CLSTN2: variants seen among roughly 807,000 people sequenced by gnomAD.
The protein encoded by CLSTN2 is calsyntenin-2.
In CLSTN2, 48 loss-of-function variants were observed where a neutral mutation model predicts 101.2. The observed-to-expected ratio is 0.47, with a 90% CI of 0.38 to 0.60. The LOEUF (loss-of-function observed/expected upper bound fraction) is 0.60. Among genes scored for constraint, CLSTN2 ranks in the 20% least tolerant of loss-of-function variants. The pLI, the probability that CLSTN2 is intolerant of heterozygous loss-of-function variation, is 0.00. For missense variants in CLSTN2, 1,160 were observed against 1,238.2 expected, an observed-to-expected ratio of 0.94 and a Z score of 0.95; for synonymous variants, 481 against 463.6, an observed-to-expected ratio of 1.04 and a Z score of -0.48.
intron 2 of CLSTN2, among the ~76,000 whole-genome samples, chr3:140,342,216 C>T (rs2087500023): frequency 6.6e-6 from 1 of 152,118 alleles, no homozygotes; most frequent in South Asian, 2.1e-4. Context: ...ATTTGTTATC[C>T]AGGGACCGTC....
At chr3:140,244,616 A>G (rs573776688) in intron 2 of CLSTN2, among the ~76,000 whole-genome samples, 1 of 152,274 alleles carries the variant, frequency 6.6e-6, no homozygotes, top group Admixed American at 6.5e-5. Context: ...CTGCTTAATA[A>G]CAGTTTATTG....
intron 2 of CLSTN2, among the ~76,000 whole-genome samples, chr3:140,355,141 A>C (rs558962216): frequency 3.5e-4 from 53 of 152,188 alleles, no homozygotes; most frequent in Non-Finnish European, 6.5e-4. Flanking sequence ...TACACAAAGA[A>C]AGTGGCATTG....
chr3:140,111,324 A>G (rs534947417), intron 1 of CLSTN2, among the ~76,000 whole-genome samples: 2 of 152,256 alleles, frequency 1.3e-5, no homozygotes, highest in East Asian at 1.9e-4. Context: ...CTCTGAGTCC[A>G]TGCTGAAGAC....
At chr3:139,981,394 A>G (rs2114166) in intron 1 of CLSTN2, among the ~76,000 whole-genome samples, 49,960 of 152,170 alleles carry the variant, frequency 0.33, 10,144 homozygotes, top group Non-Finnish European at 0.46. Context: ...AAAATAGTAT[A>G]AGTATTCTTG....
intron 1 of CLSTN2, among the ~76,000 whole-genome samples, chr3:139,967,723 C>A (rs1160600960): frequency 6.6e-6 from 1 of 152,174 alleles, no homozygotes; most frequent in African/African-American, 2.4e-5. Flanking sequence ...TGAGAGCTCC[C>A]AGCTTCCCAG....
intron 1 of CLSTN2, among the ~76,000 whole-genome samples, chr3:140,093,118 T>C (rs2008809179): frequency 1.3e-5 from 2 of 152,056 alleles, no homozygotes; most frequent in African/African-American, 4.8e-5. Flanking sequence ...AGAGAGAGGC[T>C]TTAGGCCCAT....
At chr3:140,097,587 AC>A (rs1391617468) in intron 1 of CLSTN2, among the ~76,000 whole-genome samples, 2 of 152,226 alleles carry the variant, frequency 1.3e-5, no homozygotes, top group African/African-American at 4.8e-5. Flanking sequence ...TGTATATGAA[AC>A]CATGTTGTTC....
chr3:140,248,523 C>G (rs1406746004), intron 2 of CLSTN2, among the ~76,000 whole-genome samples: 1 of 152,174 alleles, frequency 6.6e-6, no homozygotes, highest in Admixed American at 6.5e-5. Context: ...GAGATTCACT[C>G]TGGGAGCTTC....
chr3:140,474,837 T>A (rs1477541533), intron 8 of CLSTN2, among the ~76,000 whole-genome samples: 1 of 152,096 alleles, frequency 6.6e-6, no homozygotes, highest in East Asian at 1.9e-4. Flanking sequence ...ACCACAGCAG[T>A]GTTATCACCC....
chr3:140,309,404 T>C (rs1559835148), intron 2 of CLSTN2, among the ~76,000 whole-genome samples: 2 of 151,866 alleles, frequency 1.3e-5, no homozygotes, highest in Middle Eastern at 3.2e-3. Flanking sequence ...TGGTGAGAGG[T>C]GGGGCCAGAT....
chr3:140,554,427 A>C (rs977616009), intron 10 of CLSTN2, among the ~76,000 whole-genome samples: 1 of 152,198 alleles, frequency 6.6e-6, no homozygotes, highest in African/African-American at 2.4e-5. Flanking sequence ...TCAGATCCTC[A>C]TACTAAGAAA....
intron 1 of CLSTN2, among the ~76,000 whole-genome samples, chr3:140,104,948 A>C (rs936388618): frequency 6.6e-6 from 1 of 152,174 alleles, no homozygotes; most frequent in African/African-American, 2.4e-5. Flanking sequence ...ACTGCACTCC[A>C]GCCTGGGTGG....
chr3:140,408,990 T>C (rs1338208738), intron 4 of CLSTN2, among the ~76,000 whole-genome samples: 1 of 152,278 alleles, frequency 6.6e-6, no homozygotes, highest in Non-Finnish European at 1.5e-5. Context: ...CCCACCACTG[T>C]GCTTGTACCT....
At chr3:140,299,884 CAGTG>C (rs1322385591) in intron 2 of CLSTN2, among the ~76,000 whole-genome samples, 11 of 152,198 alleles carry the variant, frequency 7.2e-5, no homozygotes, top group African/African-American at 2.2e-4. Flanking sequence ...TTGGAGCTCT[CAGTG>C]AGGGTTTTCT....
At position 140,421,120 on chromosome 3, in the gene CLSTN2, C is replaced by T; in HGVS notation, c.638-5C>T. 6.2e-7 allele frequency: 1 copy of T among 1,613,258 alleles called. No individual in the cohort carries two copies. Among genetic ancestry groups the T allele is most frequent in the Non-Finnish European group, 8.5e-7 (1 of 1,179,762 alleles). ...GAAATGCTTTTGAACATCTCTGTTC[C>T]TCAGGCAACATCAGGAACACTGAGA... On this transcript the variant is annotated splice_polypyrimidine_tract_variant and splice_region_variant and intron_variant, in intron 4 of 16. Coordinates refer to ENST00000458420, the MANE Select transcript of CLSTN2 (RefSeq NM_022131.3).
At position 139,935,486 on chromosome 3, in the gene CLSTN2, G is replaced by T; in HGVS notation, c.109+3G>T. On this transcript the variant is annotated splice_donor_region_variant and intron_variant, in intron 1 of 16. Coordinates refer to ENST00000458420, the MANE Select transcript of CLSTN2 (RefSeq NM_022131.3). This position sits in a 1 kb window ranked among gnomAD's most constrained non-coding sequence, Gnocchi z 5.5. ...GCGCCGCCTCCTCGCGGCTAAAGGT[G>T]GGTGCTGGGGAAGTTTGCTCTTCTC... 8.2e-7 allele frequency: 1 copy of T among 1,222,926 alleles called. No homozygotes were observed. Among genetic ancestry groups the T allele is most frequent in the East Asian group, 3.2e-5 (1 of 31,614 alleles). 75.8% of individuals were successfully genotyped at this position (1,222,926 alleles called of 1,614,324 possible).
At chr3:140,326,250 G>T (rs1213541312) in intron 2 of CLSTN2, among the ~76,000 whole-genome samples, 1 of 152,136 alleles carries the variant, frequency 6.6e-6, no homozygotes, top group Non-Finnish European at 1.5e-5. Context: ...AAATCTTCAT[G>T]TCCTTGTCAG....
At chr3:139,969,507 G>A (rs1170434911) in intron 1 of CLSTN2, among the ~76,000 whole-genome samples, 2 of 152,102 alleles carry the variant, frequency 1.3e-5, no homozygotes, top group African/African-American at 2.4e-5. Flanking sequence ...AGTCTTCAGG[G>A]TCTTCTTGTT....
intron 1 of CLSTN2, among the ~76,000 whole-genome samples, chr3:140,087,439 G>A (rs986834475): frequency 6.6e-6 from 1 of 152,176 alleles, no homozygotes; most frequent in African/African-American, 2.4e-5. Context: ...GTTATTAATA[G>A]CTATTTCTCA....
Sources: gnomAD v4.1 joint callset for allele counts (sites outside exome capture counted in the v4.1 genomes callset) on GRCh38, gnomAD v4.1.1 for gene constraint, Gnocchi (gnomAD v3.1) non-coding constraint, MANE v1.5 for transcripts, NCBI Gene and HGNC (gene_info 2026-07-23, HGNC 2026-07-21) for gene names.